The following NFIB variants were observed in gnomAD, a reference collection of about 807,000 sequenced individuals.
The protein encoded by NFIB is nuclear factor 1 B-type.
Under a neutral mutation model 61.5 loss-of-function variants are expected in NFIB, and 11 were observed. That is an observed-to-expected ratio of 0.18 (90% CI 0.11 to 0.30). The LOEUF (loss-of-function observed/expected upper bound fraction) is 0.30, where lower values mean the gene tolerates loss of function less well. Among genes scored for constraint, NFIB ranks in the 10% least tolerant of loss-of-function variants. NFIB has a pLI of 1.00. For missense variants in NFIB, 471 were observed against 608.9 expected (o/e 0.77, Z 2.38); for synonymous variants, 260 against 216.5 (o/e 1.20, Z -1.76).
At chr9:14,153,185 A>G (rs1292797190) in intron 4 of NFIB, among the ~76,000 whole-genome samples, 3 of 152,140 alleles carry the variant, frequency 2.0e-5, no homozygotes, top group South Asian at 2.1e-4. Context: ...AAAGATAGCA[A>G]TAAAATAATT....
At chr9:14,462,518 A>G in the NFIB span, among the ~76,000 whole-genome samples, 31 of 152,158 alleles carry the variant, frequency 2.0e-4, no homozygotes, top group Non-Finnish European at 2.2e-4. Context: ...TCCTGACCTC[A>G]TGATCAGCCC....
intron 1 of NFIB, among the ~76,000 whole-genome samples, chr9:14,324,243 A>G (rs530785023): frequency 6.6e-6 from 1 of 152,200 alleles, no homozygotes; most frequent in Admixed American, 6.5e-5. Flanking sequence ...GGATTTCCAA[A>G]TAGTAGTTTC....
intron 1 of NFIB, among the ~76,000 whole-genome samples, chr9:14,351,026 T>C (rs959081574): frequency 4.6e-5 from 7 of 152,178 alleles, no homozygotes; most frequent in Admixed American, 2.6e-4. Flanking sequence ...AAATCTCCCG[T>C]TCTGAGTGGC....
At chr9:14,205,731 A>T (rs2049613985) in intron 2 of NFIB, among the ~76,000 whole-genome samples, 1 of 152,204 alleles carries the variant, frequency 6.6e-6, no homozygotes, top group South Asian at 2.1e-4. Context: ...CATAATGCTG[A>T]CACAAACTGG....
chr9:14,485,198 T>C, the NFIB span, among the ~76,000 whole-genome samples: 2 of 152,168 alleles, frequency 1.3e-5, no homozygotes, highest in Non-Finnish European at 1.5e-5. Context: ...CAAAATTCAG[T>C]CCATAACAGA....
intron 1 of NFIB, among the ~76,000 whole-genome samples, chr9:14,359,898 G>C (rs927019816): frequency 6.6e-6 from 1 of 151,956 alleles, no homozygotes; most frequent in African/African-American, 2.4e-5. Flanking sequence ...TTAAAGAAAG[G>C]CATTGTTTAA....
rs1300450507 is a variant in NFIB at position 14,345,617 on chromosome 9, C to T, written c.109-38097G>A. ...AGCCGTGCTTCTGCGCTCCGAAGTG[C>T]GGCTGCCACATTTGGAGAGAGCGGG... is the stretch of plus-strand genomic sequence containing the variant. On this transcript the variant is annotated intron_variant, in intron 1 of 8. Coordinates refer to the NFIB transcript ENST00000380934. 2.6e-5 allele frequency among the ~76,000 whole-genome samples: 4 copies of T among 152,084 alleles called. 1 individual carries two copies. Among genetic ancestry groups the T allele is most frequent in the Non-Finnish European group, 5.9e-5 (4 of 68,032 alleles).
At position 14,272,033 on chromosome 9, in the gene NFIB, G is replaced by A. The variant is rs933358588; in HGVS notation, c.562+34956C>T. Among the ~76,000 whole-genome samples the A allele has an allele frequency of 1.3e-5, 2 of 152,090 alleles. 1 individual carries two copies. The highest frequency in any genetic ancestry group is 4.8e-5 in the African/African-American group (2 of 41,410). ...TGCATAAGACTAGTATTTTTAAAAG[G>A]CAAATTCCATCCAGTGGCCATTAAA... On this transcript the variant is annotated intron_variant, in intron 2 of 10. Transcript: ENST00000380953.
chr9:14,107,723 G>C (rs1360364266), intron 10 of NFIB, among the ~76,000 whole-genome samples: 2 of 152,024 alleles, frequency 1.3e-5, no homozygotes, highest in Non-Finnish European at 2.9e-5. Flanking sequence ...TACACCAGTT[G>C]CCTGTCATTG....
intron 1 of NFIB, among the ~76,000 whole-genome samples, chr9:14,372,613 A>C (rs372463971): frequency 6.6e-6 from 1 of 152,124 alleles, no homozygotes; most frequent in Non-Finnish European, 1.5e-5. Flanking sequence ...TGTTCCAGAC[A>C]CTGACCCATC....
At chr9:14,196,505 G>A (rs985671430) in intron 2 of NFIB, among the ~76,000 whole-genome samples, 2 of 151,962 alleles carry the variant, frequency 1.3e-5, no homozygotes, top group African/African-American at 4.8e-5. Flanking sequence ...GCAGCACACT[G>A]GACACCTGAG....
In NFIB at chr9:14,154,157, T is replaced by C. The variant is rs958539629; in HGVS notation, c.685+1668A>G. On this transcript the variant is annotated intron_variant, in intron 4 of 10. Coordinates refer to ENST00000380953, the MANE Select transcript of NFIB (RefSeq NM_001190737.2). ...ATTCAGATTTTTCAAAATATCTATC[T>C]GGGCTTTTGAAGGTTCTAATGTGGT... Among the ~76,000 whole-genome samples, 7 of 152,308 alleles carry C rather than the reference T, an allele frequency of 4.6e-5. No homozygotes were observed. In the South Asian group the frequency reaches 1.0e-3, roughly 23 times the overall value.
the NFIB span, among the ~76,000 whole-genome samples, chr9:14,482,097 C>A: frequency 7.2e-6 from 1 of 139,276 alleles, no homozygotes; most frequent in Non-Finnish European, 1.5e-5. Flanking sequence ...CACCACCAGA[C>A]CTTCCTGAAA....
chr9:14,501,422 TA>T, the NFIB span, among the ~76,000 whole-genome samples: 63 of 152,300 alleles, frequency 4.1e-4, no homozygotes, highest in Middle Eastern at 6.8e-3. Flanking sequence ...TCTTTCTTCT[TA>T]AAAAAATGTA....
chr9:14,246,665 C>A (rs1360601078), intron 2 of NFIB, among the ~76,000 whole-genome samples: 1 of 152,170 alleles, frequency 6.6e-6, no homozygotes, highest in Non-Finnish European at 1.5e-5. Context: ...CCCAAATTAA[C>A]AGGCAAATAT....
intron 1 of NFIB, among the ~76,000 whole-genome samples, chr9:14,393,506 T>C (rs2061649211): frequency 6.6e-6 from 1 of 152,214 alleles, no homozygotes; most frequent in Non-Finnish European, 1.5e-5. Flanking sequence ...TAATCTCTCC[T>C]AGTTTGTTAA....
At chr9:14,252,786 T>G (rs1587938958) in intron 2 of NFIB, among the ~76,000 whole-genome samples, 1 of 141,344 alleles carries the variant, frequency 7.1e-6, no homozygotes, top group Admixed American at 6.7e-5. Context: ...CCATACAACT[T>G]TGTGGAGGAA....
chr9:14,103,836 A>T (rs1319301653), intron 10 of NFIB, among the ~76,000 whole-genome samples: 1 of 152,240 alleles, frequency 6.6e-6, no homozygotes, highest in Non-Finnish European at 1.5e-5. Context: ...ATAGATCAAC[A>T]GATTGATAGA....
the NFIB span, among the ~76,000 whole-genome samples, chr9:14,423,668 T>G: frequency 1.3e-5 from 2 of 152,178 alleles, no homozygotes; most frequent in African/African-American, 4.8e-5. Context: ...TTTCCTTAGG[T>G]AATGCCCCTT....
Sources: gnomAD v4.1 joint callset for allele counts (sites outside exome capture counted in the v4.1 genomes callset) on GRCh38, gnomAD v4.1.1 for gene constraint, MANE v1.5 for transcripts, NCBI Gene and HGNC (gene_info 2026-07-23, HGNC 2026-07-21) for gene names.